NHSL1: variants seen among roughly 807,000 people sequenced by gnomAD.
The protein encoded by NHSL1 is NHS like 1.
A neutral mutation model predicts 95.0 loss-of-function variants in NHSL1; 48 were observed. That is an observed-to-expected ratio of 0.51 (90% CI 0.40 to 0.64). The LOEUF (loss-of-function observed/expected upper bound fraction) is 0.64. Among genes scored for constraint, NHSL1 ranks in the 30% least tolerant of loss-of-function variants. The probability of loss-of-function intolerance (pLI) is 0.00; values close to 1 mark genes in which losing one functional copy is unlikely to be tolerated. For synonymous variants in NHSL1, 783 were observed against 833.9 expected, an observed-to-expected ratio of 0.94 and a Z score of 1.05; for missense variants, 1,971 against 2,077.7, an observed-to-expected ratio of 0.95 and a Z score of 1.00.
intron 1 of NHSL1, among the ~76,000 whole-genome samples, chr6:138,654,514 AT>A (rs1310565939): frequency 3.9e-5 from 6 of 152,306 alleles, no homozygotes; most frequent in African/African-American, 1.4e-4. Flanking sequence ...GTACAATCAT[AT>A]TTTTTAAATT....
At chr6:138,647,454 TACAG>T (rs1356871408) in intron 1 of NHSL1, among the ~76,000 whole-genome samples, 4 of 152,212 alleles carry the variant, frequency 2.6e-5, no homozygotes, top group Admixed American at 2.6e-4. Flanking sequence ...GAAAGCAGCT[TACAG>T]ACAGATTTAG....
chr6:138,687,701 T>C (rs1044894259), intron 1 of NHSL1, among the ~76,000 whole-genome samples: 1 of 152,308 alleles, frequency 6.6e-6, no homozygotes, highest in East Asian at 1.9e-4. Context: ...AAACAAATTA[T>C]GAACTTCGAA....
chr6:138,529,126 G>T (rs1025751812), intron 1 of NHSL1, among the ~76,000 whole-genome samples: 1 of 152,178 alleles, frequency 6.6e-6, no homozygotes, highest in East Asian at 1.9e-4. Flanking sequence ...TGTCTCCGCT[G>T]GGGCCTTTAG....
intron 1 of NHSL1, among the ~76,000 whole-genome samples, chr6:138,514,670 C>T (rs1309200510): frequency 6.6e-6 from 1 of 152,156 alleles, no homozygotes; most frequent in Non-Finnish European, 1.5e-5. Context: ...GCAATCTCAG[C>T]ACTTTAGGAG....
intron 2 of NHSL1, among the ~76,000 whole-genome samples, chr6:138,481,557 A>C (rs1779418459): frequency 6.6e-6 from 1 of 152,214 alleles, no homozygotes; most frequent in Admixed American, 6.5e-5. Flanking sequence ...GTAGCATATC[A>C]AAGAGGTGAA....
intron 1 of NHSL1, among the ~76,000 whole-genome samples, chr6:138,580,652 C>T (rs1206445038): frequency 6.6e-6 from 1 of 152,238 alleles, no homozygotes; most frequent in East Asian, 1.9e-4. Context: ...ATAGTCAGTA[C>T]GTGCTGGCTC....
intron 1 of NHSL1, among the ~76,000 whole-genome samples, chr6:138,534,851 A>G (rs1237507716): frequency 1.3e-5 from 2 of 152,168 alleles, no homozygotes; most frequent in African/African-American, 4.8e-5. Flanking sequence ...AGCATCAAAC[A>G]AGAACACGAC....
At position 138,473,428 on chromosome 6, in the gene NHSL1, C is replaced by T. The variant is rs537903417; in HGVS notation, c.217G>A (p.Asp73Asn). The T allele has an allele frequency of 1.9e-5, 28 of 1,496,004 alleles. No individual in the cohort carries two copies. The South Asian group carries it at 2.8e-4, about 15-fold the overall frequency. 92.7% of individuals were successfully genotyped at this position (1,496,004 alleles called of 1,614,324 possible). A position where few individuals can be genotyped will look rare whatever the true frequency, so the allele number is the denominator to read the frequency against. Residue 73 changes from aspartate to asparagine, a missense_variant, in exon 3 of 8, where the codon GAT (aspartate) becomes AAT (asparagine). Physicochemically the swap from Asp to Asn is conservative, Grantham distance 23. Around this residue, in one of 3 missense-constraint regions of NHSL1, gnomAD observed 1,602 missense variants for 1,654.5 expected, o/e 0.97. Transcript: ENST00000343505. The stretch of plus-strand genomic sequence containing the variant: ...CGGTAGCCATCATGCCGCAACTTAT[C>T]GCATTCTGCAGAGGGGCACGCAGGG... ...LNLKSVLREC[D>N]KLRHDGYRSS...
chr6:138,437,445 C>CAAAAA (rs1202687511), intron 5 of NHSL1, among the ~76,000 whole-genome samples: 2 of 61,810 alleles, frequency 3.2e-5, no homozygotes, highest in East Asian at 4.4e-4. Flanking sequence ...CACACACACA[C>CAAAAA]AAAAAAAAAA....
intron 1 of NHSL1, among the ~76,000 whole-genome samples, chr6:138,656,673 A>G (rs1178985344): frequency 6.6e-6 from 1 of 152,234 alleles, no homozygotes; most frequent in African/African-American, 2.4e-5. Context: ...GTAAGGAAAC[A>G]TAAGTTTTCT....
Position 138,432,513 on chromosome 6 carries a change from A to C in NHSL1, c.1832T>G (p.Val611Gly). ...SEDHDGYCAS[V>G]HTDSGHGSGN... ...AGATCCATGTCCAGAGTCAGTGTGC[A>C]CAGATGCACAGTAGCCATCGTGGTC... Residue 611 changes from valine to glycine, a missense_variant, in exon 6 of 8, where the codon GTG (valine) becomes GGG (glycine). By Grantham distance (109) the Val-to-Gly change is moderately radical. Transcript: ENST00000343505. This position sits in a 1 kb window ranked among gnomAD's most constrained non-coding sequence, Gnocchi z 4.4. 1.3e-6 allele frequency: 2 copies of C among 1,552,236 alleles called. No homozygotes were observed. The highest frequency in any genetic ancestry group is 1.7e-6 in the Non-Finnish European group (2 of 1,147,106).
rs1484389313 is a variant in NHSL1, at chr6:138,430,102, TCTTCGGAAGGGAGGTGTTACC to T, written c.3952+270_3953-260del. Among the ~76,000 whole-genome samples the T allele has an allele frequency of 1.3e-5, 2 of 152,222 alleles. No individual in the cohort carries two copies. The highest frequency in any genetic ancestry group is 2.9e-5 in the Non-Finnish European group (2 of 68,036). On this transcript the variant is annotated intron_variant, in intron 6 of 7. Coordinates refer to ENST00000343505, the MANE Select transcript of NHSL1 (RefSeq NM_001144060.2). The surrounding 1 kb of genome is among the most constrained non-coding windows in gnomAD (Gnocchi z 4.7). Reference sequence around the variant, plus strand: ...TTGTTGCAACGTTTCTTTGCGCGGCTCTTCGGAAGGGAGGTGTTACCCATTGCTATTTAATACCCAGCCTGC... The same window carrying T: ...TTGTTGCAACGTTTCTTTGCGCGGCTCATTGCTATTTAATACCCAGCCTGC...
Position 138,430,783 on chromosome 6 carries a change from G to A in NHSL1, c.3562C>T (p.Pro1188Ser), listed in dbSNP as rs1438189433. Residue 1188 changes from proline to serine, a missense_variant, in exon 6 of 8, where the codon CCC becomes TCC. By Grantham distance (74) the Pro-to-Ser change is moderately conservative. Around this residue, in one of 3 missense-constraint regions of NHSL1, gnomAD observed 1,602 missense variants for 1,654.5 expected, o/e 0.97. Transcript: ENST00000343505. The surrounding 1 kb of genome is among the most constrained non-coding windows in gnomAD (Gnocchi z 4.7). ...PSTTPLPDSS[P>S]SRKPPPISKK... ...GAAATGGGGGGTGGCTTCCTGCTGG[G>A]TGAAGAGTCTGGGAGTGGGGTGGTG... The A allele has an allele frequency of 1.3e-6, 2 of 1,551,614 alleles. No homozygotes were observed. The highest frequency in any genetic ancestry group is 2.4e-5 in the South Asian group (2 of 84,062).
intron 5 of NHSL1, among the ~76,000 whole-genome samples, chr6:138,437,298 A>G (rs1313953149): frequency 0.065 from 748 of 11,468 alleles, 23 homozygotes; most frequent in African/African-American, 0.16. Context: ...ACACAAATGT[A>G]TATATATATA....
rs114108317 is a variant in NHSL1, at chr6:138,613,831, C to A, written c.96+78645G>T. On this transcript the variant is annotated intron_variant, in intron 1 of 3. Coordinates refer to the NHSL1 transcript ENST00000491526. The stretch of plus-strand genomic sequence containing the variant: ...GAAAGATGTAGAATGGGTCAGTCGT[C>A]GGCCCACATTTAGTGCAGGATGGCC... 9.9e-3 allele frequency among the ~76,000 whole-genome samples: 1,503 copies of A among 152,284 alleles called. 28 individuals are homozygous for A. Among genetic ancestry groups the A allele is most frequent in the African/African-American group, 0.033 (1,389 of 41,546 alleles).
rs377451037 is a variant in NHSL1, at chr6:138,689,924, A to C, written c.96+2552T>G. 2.6e-4 allele frequency among the ~76,000 whole-genome samples: 40 copies of C among 152,292 alleles called. No individual in the cohort carries two copies. In the East Asian group the frequency reaches 7.7e-3, roughly 29 times the overall value. On this transcript the variant is annotated intron_variant, in intron 1 of 3. Coordinates refer to the NHSL1 transcript ENST00000491526. ...TGGTCTCCCAAAGTGCTGGGATTAC[A>C]GGCATGAGCCACTGTGCCTGGCTCC... is the stretch of plus-strand genomic sequence containing the variant.
At chr6:138,550,194 G>A (rs764358369), upstream of NHSL1, among the ~76,000 whole-genome samples, 7 of 151,954 alleles carry the variant, frequency 4.6e-5, no homozygotes, top group African/African-American at 1.2e-4. Context: ...AGCTGGGATC[G>A]TGCCACTGTA....
upstream of NHSL1, among the ~76,000 whole-genome samples, chr6:138,549,212 T>C (rs1355298457): frequency 6.6e-6 from 1 of 152,072 alleles, no homozygotes; most frequent in Non-Finnish European, 1.5e-5. Flanking sequence ...GGAGAAACCC[T>C]GTCTCTACTA....
rs909078739 is a variant in NHSL1 at position 138,545,053 on chromosome 6, C to T, written c.16+570G>A. Among the ~76,000 whole-genome samples the T allele has an allele frequency of 3.6e-5, 5 of 140,238 alleles. No homozygotes were observed. The East Asian group carries it at 6.5e-4, about 18-fold the overall frequency. The allele number at this position is 140,238 out of a possible 152,430, so 92.0% of individuals were successfully genotyped here. A position where few individuals can be genotyped will look rare whatever the true frequency, so the allele number is the denominator to read the frequency against. ...TTGCCCAGGCTGGAGTGCAGTGGCG[C>T]GATCTCGGCTCACTGCAACATCCAA... On this transcript the variant is annotated intron_variant, in intron 1 of 4. Transcript: ENST00000342260.
Sources: gnomAD v4.1 joint callset for allele counts (sites outside exome capture counted in the v4.1 genomes callset) on GRCh38, gnomAD v4.1.1 for gene constraint, gnomAD v4.1.1 regional missense constraint, Gnocchi (gnomAD v3.1) non-coding constraint, MANE v1.5 for transcripts, NCBI Gene and HGNC (gene_info 2026-07-23, HGNC 2026-07-21) for gene names.